The following ZNF525 variants were observed in gnomAD, a reference collection of about 807,000 sequenced individuals.
ZNF525 encodes the protein zinc finger protein 525.
In ZNF525, 33 loss-of-function variants were observed where a neutral mutation model predicts 37.6. The observed-to-expected ratio is 0.88, with a 90% CI of 0.67 to 1.17. The LOEUF is 1.17. Ranked by LOEUF, ZNF525 falls within the 50% of genes most tolerant of loss-of-function variation. The probability of loss-of-function intolerance (pLI) is 0.00; values close to 1 mark genes in which losing one functional copy is unlikely to be tolerated. For missense variants in ZNF525, 449 were observed against 543.1 expected, an observed-to-expected ratio of 0.83 and a Z score of 1.72; for synonymous variants, 170 against 182.3, an observed-to-expected ratio of 0.93 and a Z score of 0.54.
At chr19:53,377,283 T>G (rs2085528965) in intron 3 of ZNF525, among the ~76,000 whole-genome samples, 1 of 152,218 alleles carries the variant, frequency 6.6e-6, no homozygotes, top group Admixed American at 6.5e-5. Flanking sequence ...GTTCAAGCAA[T>G]TCTCCTGCCT....
intron 2 of ZNF525, among the ~76,000 whole-genome samples, chr19:53,374,808 G>T (rs549256148): frequency 6.9e-6 from 1 of 144,212 alleles, no homozygotes; most frequent in East Asian, 2.1e-4. Context: ...GTCTGTGTAG[G>T]TCTCATTATT....
chr19:53,367,255 A>ACTTGTT lies in ZNF525; in HGVS notation c.-68+1499_-68+1500insGTTCTT, dbSNP rs1355538379. ...AAGTGAGCTTGCTAGGCAGAGGAAAACTTCTTTTCTTTTTAACCCTTGCCT... is the reference window on the plus strand; with the variant it reads ...AAGTGAGCTTGCTAGGCAGAGGAAAACTTGTTCTTCTTTTCTTTTTAACCCTTGCCT... On this transcript the variant is annotated intron_variant, in intron 1 of 3. Coordinates refer to ENST00000474037, the MANE Select transcript of ZNF525 (RefSeq NM_001348156.2). 1.1e-4 allele frequency among the ~76,000 whole-genome samples: 16 copies of ACTTGTT among 152,182 alleles called. No individual in the cohort carries two copies. The South Asian group carries it at 3.3e-3, about 32-fold the overall frequency.
At chr19:53,370,295 T>C (rs1460606683) in intron 1 of ZNF525, among the ~76,000 whole-genome samples, 3 of 150,744 alleles carry the variant, frequency 2.0e-5, no homozygotes, top group Non-Finnish European at 3.0e-5. Context: ...GGTGGATGCC[T>C]GTAGTCCCAG....
chr19:53,381,708 C>T lies in ZNF525; in HGVS notation c.1129C>T (p.His377Tyr), dbSNP rs770343516. The change falls in exon 4 of 4, where the codon CAT (histidine) becomes TAT (tyrosine). Residue 377 changes from histidine (H) to tyrosine (Y), a missense_variant. Physicochemically the swap from His to Tyr is moderately conservative, Grantham distance 83. Coordinates refer to ENST00000474037, the MANE Select transcript of ZNF525 (RefSeq NM_001348156.2). ...KSNLESHRIT[H>Y]TGEKPYKCND... The stretch of plus-strand genomic sequence containing the variant: ...AAACCTTGAAAGTCATAGGATAACT[C>T]ATACTGGAGAGAAACCATACAAGTG... The T allele has an allele frequency of 7.4e-6, 8 of 1,084,662 alleles. No individual in the cohort carries two copies. The South Asian group carries it at 1.0e-4, about 14-fold the overall frequency. 67.2% of individuals were successfully genotyped at this position (1,084,662 alleles called of 1,614,324 possible).
intron 1 of ZNF525, among the ~76,000 whole-genome samples, chr19:53,370,217 G>A (rs1468952633): frequency 4.7e-5 from 7 of 149,456 alleles, no homozygotes; most frequent in Admixed American, 4.0e-4. Context: ...TCAGGAGATC[G>A]AGATTATCCT....
In ZNF525 at chr19:53,385,212, A is replaced by G; in HGVS notation, c.*3193A>G. The G allele has an allele frequency of 2.1e-6, 1 of 485,864 alleles. No individual in the cohort carries two copies. The highest frequency in any genetic ancestry group is 3.6e-6 in the Non-Finnish European group (1 of 276,114). 30.1% of individuals were successfully genotyped at this position (485,864 alleles called of 1,614,324 possible). A position where few individuals can be genotyped will look rare whatever the true frequency, so the allele number is the denominator to read the frequency against. On this transcript the variant is annotated 3_prime_UTR_variant, in exon 4 of 4. Coordinates refer to ENST00000474037, the MANE Select transcript of ZNF525 (RefSeq NM_001348156.2). ...AAGAAGTTCTGGAAAAATACATATT[A>G]TGAGAAAATTGTGCATGAATTTCAC...
intron 3 of ZNF525, among the ~76,000 whole-genome samples, chr19:53,379,831 A>G (rs2085546611): frequency 6.6e-6 from 1 of 151,968 alleles, no homozygotes; most frequent in Non-Finnish European, 1.5e-5. Context: ...ATGTAACCCT[A>G]TCTCTACTAA....
At position 53,375,831 on chromosome 19, in the gene ZNF525, A is replaced by C; in HGVS notation, c.77A>C (p.Asp26Ala). Residue 26 changes from aspartate to alanine, a missense_variant, in exon 3 of 4, where the codon GAC becomes GCC. By Grantham distance (126) the Asp-to-Ala change is moderately radical (BLOSUM62 -2). This residue lies in a region of ZNF525 where 271 missense variants were observed against 381.6 expected (regional missense o/e 0.71). Transcript: ENST00000474037. ...EFSQEEWKCL[D>A]PAQRTLYRDV... ...TCTCAGGAGGAGTGGAAATGCCTGG[A>C]CCCTGCTCAGAGGACTCTATACAGG... 1.2e-6 allele frequency: 2 copies of C among 1,613,906 alleles called. No homozygotes were observed. The highest frequency in any genetic ancestry group is 1.7e-6 in the Non-Finnish European group (2 of 1,179,902).
In ZNF525 at chr19:53,382,789, G is replaced by A; in HGVS notation, c.*770G>A. ...ATCGTTCATACCTTGCAGTTCACGG[G>A]CGAACTCATGCTGGAGAGAAACCTT... On this transcript the variant is annotated 3_prime_UTR_variant, in exon 4 of 4. Coordinates refer to ENST00000474037, the MANE Select transcript of ZNF525 (RefSeq NM_001348156.2). The A allele has an allele frequency of 9.1e-7, 1 of 1,099,254 alleles. No homozygotes were observed. The highest frequency in any genetic ancestry group is 1.4e-6 in the Non-Finnish European group (1 of 735,156). The allele number at this position is 1,099,254 out of a possible 1,614,324, so 68.1% of individuals were successfully genotyped here.
At chr19:53,370,979 G>C (rs1454751231) in intron 1 of ZNF525, among the ~76,000 whole-genome samples, 2 of 151,896 alleles carry the variant, frequency 1.3e-5, no homozygotes, top group South Asian at 4.2e-4. Context: ...TTTGCTTTTC[G>C]CTTTTCCCAA....
chr19:53,376,274 T>G (rs1228806857), intron 3 of ZNF525: 2 of 701,370 alleles, frequency 2.9e-6, no homozygotes, highest in Non-Finnish European at 2.6e-6. Context: ...TTTTTGCATA[T>G]GTGTGTCCTT....
At chr19:53,375,110 T>C (rs942975308) in intron 2 of ZNF525, among the ~76,000 whole-genome samples, 1 of 152,142 alleles carries the variant, frequency 6.6e-6, no homozygotes, top group African/African-American at 2.4e-5. Flanking sequence ...TCATTGCAAC[T>C]TCTGCCTACT....
Position 53,382,346 on chromosome 19 carries a change from A to C in ZNF525, c.*327A>C. 1 of 1,244,460 alleles carries C rather than the reference A, an allele frequency of 8.0e-7. No homozygotes were observed. Among genetic ancestry groups the C allele is most frequent in the Non-Finnish European group, 1.2e-6 (1 of 849,980 alleles). The allele number at this position is 1,244,460 out of a possible 1,614,324, so 77.1% of individuals were successfully genotyped here. A position where few individuals can be genotyped will look rare whatever the true frequency, so the allele number is the denominator to read the frequency against. The stretch of plus-strand genomic sequence containing the variant: ...GTGAAGAATGTGATGAAACTTTCAG[A>C]TACAAATCAAATCTTGAAAGACATA... On this transcript the variant is annotated 3_prime_UTR_variant, in exon 4 of 4. Coordinates refer to ENST00000474037, the MANE Select transcript of ZNF525 (RefSeq NM_001348156.2).
chr19:53,365,784 A>C (rs2085438400), intron 1 of ZNF525, 25 bp downstream of exon 1: 1 of 163,658 alleles, frequency 6.1e-6, no homozygotes. Context: ...ATCTTGTATG[A>C]AGTCTGCTCT....
Position 53,382,815 on chromosome 19 carries a change from A to T in ZNF525, c.*796A>T. ...CGAACTCATGCTGGAGAGAAACCTT[A>T]CAAATGTGAAGAATGTGATAAAGCT... On this transcript the variant is annotated 3_prime_UTR_variant, in exon 4 of 4. Coordinates refer to ENST00000474037, the MANE Select transcript of ZNF525 (RefSeq NM_001348156.2). The T allele has an allele frequency of 1.6e-6, 2 of 1,217,708 alleles. No homozygotes were observed. Among genetic ancestry groups the T allele is most frequent in the Non-Finnish European group, 2.4e-6 (2 of 837,284 alleles). 75.4% of individuals were successfully genotyped at this position (1,217,708 alleles called of 1,614,324 possible). A position where few individuals can be genotyped will look rare whatever the true frequency, so the allele number is the denominator to read the frequency against.
At chr19:53,366,838 A>G (rs552200961) in intron 1 of ZNF525, among the ~76,000 whole-genome samples, 3 of 150,342 alleles carry the variant, frequency 2.0e-5, no homozygotes, top group Non-Finnish European at 4.4e-5. Flanking sequence ...CGGGGAGAGC[A>G]GAGGAGGCGC....
chr19:53,381,139 A>G lies in ZNF525; in HGVS notation c.560A>G (p.His187Arg). Residue 187 changes from histidine (H) to arginine (R), a missense_variant, in exon 4 of 4, where the codon CAT (histidine) becomes CGT (arginine). His to Arg is a conservative substitution (Grantham distance 29, BLOSUM62 0). Around this residue, in one of 2 missense-constraint regions of ZNF525, gnomAD observed 271 missense variants for 381.6 expected, o/e 0.71. Transcript: ENST00000474037. Reference protein sequence around the residue: ...AQRISCRPKTHISNNYGDNFL... With the variant: ...AQRISCRPKTRISNNYGDNFL... ...AGAATTTCTTGTAGGCCCAAAACCC[A>G]TATATCTAATAACTATGGGGATAAT... 6 of 1,392,976 alleles carry G rather than the reference A, an allele frequency of 4.3e-6. No individual in the cohort carries two copies. Among genetic ancestry groups the G allele is most frequent in the African/African-American group, 1.4e-5 (1 of 70,540 alleles). The allele number at this position is 1,392,976 out of a possible 1,614,324, so 86.3% of individuals were successfully genotyped here.
chr19:53,373,001 CAT>C (rs2085498104), intron 2 of ZNF525, among the ~76,000 whole-genome samples: 1 of 152,140 alleles, frequency 6.6e-6, no homozygotes, highest in African/African-American at 2.4e-5. Context: ...ACTTTTCTCA[CAT>C]ATGAGAGCAG....
At chr19:53,376,088 G>A (rs939695343) in intron 3 of ZNF525, 192 bp downstream of exon 3, 20 of 1,239,336 alleles carry the variant, frequency 1.6e-5, no homozygotes, top group Non-Finnish European at 2.1e-5. Context: ...AGTGGTACAG[G>A]TGCATGCCAC....
Sources: allele counts gnomAD v4.1 joint callset (sites outside exome capture counted in the v4.1 genomes callset), GRCh38; gene constraint gnomAD v4.1.1; regional missense constraint gnomAD v4.1.1; transcripts MANE v1.5; gene names NCBI Gene and HGNC (gene_info 2026-07-23, HGNC 2026-07-21).